The following EIF4G3 variants were observed in gnomAD, a reference collection of about 807,000 sequenced individuals.
The protein encoded by EIF4G3 is eukaryotic translation initiation factor 4 gamma 3, also known as eIF-4-gamma 3.
A neutral mutation model predicts 186.4 loss-of-function variants in EIF4G3; 34 were observed. That is an observed-to-expected ratio of 0.18 (90% CI 0.14 to 0.24). The LOEUF is 0.24. Among genes scored for constraint, EIF4G3 ranks in the 10% least tolerant of loss-of-function variants. The pLI is 1.00. For missense variants in EIF4G3, 1,536 were observed against 1,948.5 expected (o/e 0.79, Z 3.99); for synonymous variants, 673 against 679.5 (o/e 0.99, Z 0.15).
intron 2 of EIF4G3, among the ~76,000 whole-genome samples, chr1:21,099,381 G>A (rs2096464691): frequency 6.6e-6 from 1 of 152,118 alleles, no homozygotes; most frequent in African/African-American, 2.4e-5. Context: ...TCTTCAACTG[G>A]CCAATAGACA....
In EIF4G3 at chr1:20,817,283, A is replaced by AT. The variant is rs1309332068; in HGVS notation, c.4515+108_4515+109insA. On this transcript the variant is annotated intron_variant, in intron 34 of 36. Coordinates refer to ENST00000602326, the MANE Select transcript of EIF4G3 (RefSeq NM_001391906.1). The stretch of plus-strand genomic sequence containing the variant: ...AAATAAAAAAATAAATAAATAAAAA[A>AT]AAATAAAAATAAAAATTCATGAAGT... 3,317 of 381,362 alleles carry AT rather than the reference A, an allele frequency of 8.7e-3. 126 individuals are homozygous for AT. The highest frequency in any genetic ancestry group is 0.087 in the African/African-American group (2,953 of 33,986). The allele number at this position is 381,362 out of a possible 1,614,324, so 23.6% of individuals were successfully genotyped here.
intron 2 of EIF4G3, among the ~76,000 whole-genome samples, chr1:21,105,473 A>G (rs930849582): frequency 2.6e-5 from 4 of 152,158 alleles, no homozygotes; most frequent in Admixed American, 2.0e-4. Context: ...AACCCCCACC[A>G]TGACATGCAA....
At chr1:20,938,676 A>C (rs971893233) in intron 14 of EIF4G3, among the ~76,000 whole-genome samples, 1 of 152,262 alleles carries the variant, frequency 6.6e-6, no homozygotes, top group African/African-American at 2.4e-5. Flanking sequence ...TATAGTCATT[A>C]AGCATATGAC....
chr1:20,987,428 GA>G (rs1242010621), intron 7 of EIF4G3, among the ~76,000 whole-genome samples: 1 of 152,184 alleles, frequency 6.6e-6, no homozygotes, highest in Non-Finnish European at 1.5e-5. Context: ...TTTACAAATT[GA>G]AAGTTTGTGA....
chr1:21,019,229 G>C (rs1241342913), intron 4 of EIF4G3, among the ~76,000 whole-genome samples: 1 of 152,170 alleles, frequency 6.6e-6, no homozygotes, highest in African/African-American at 2.4e-5. Flanking sequence ...TATTACTCTA[G>C]CACAAAAGCT....
intron 2 of EIF4G3, among the ~76,000 whole-genome samples, chr1:21,159,557 C>T (rs774772482): frequency 4.0e-5 from 6 of 150,256 alleles, no homozygotes; most frequent in Non-Finnish European, 8.9e-5. Context: ...GCCAACATGG[C>T]GAAACCTCGT....
chr1:21,119,448 G>A (rs2096888241), intron 2 of EIF4G3, among the ~76,000 whole-genome samples: 1 of 151,998 alleles, frequency 6.6e-6, no homozygotes, highest in African/African-American at 2.4e-5. Context: ...AATTTTCCCG[G>A]GTCATGATTT....
intron 2 of EIF4G3, among the ~76,000 whole-genome samples, chr1:21,131,030 A>C (rs905656560): frequency 1.8e-4 from 27 of 152,062 alleles, no homozygotes; most frequent in African/African-American, 6.3e-4. Context: ...ACCTGAGATC[A>C]GGAGTTCAAG....
At chr1:21,151,913 C>T (rs2097557830) in intron 2 of EIF4G3, among the ~76,000 whole-genome samples, 1 of 152,132 alleles carries the variant, frequency 6.6e-6, no homozygotes. Flanking sequence ...CCCTGTCTCA[C>T]TCTAGATACT....
At position 20,924,601 on chromosome 1, in the gene EIF4G3, G is replaced by A. The variant is rs143241547; in HGVS notation, c.1663+16890C>T. On this transcript the variant is annotated intron_variant, in intron 14 of 36. Transcript: ENST00000602326. ...TTTGAGATGGAGTCTCACTCTGGTCGCCCAGGCTGGAGTGCATGCAGTGGC... is the reference window on the plus strand; with the variant it reads ...TTTGAGATGGAGTCTCACTCTGGTCACCCAGGCTGGAGTGCATGCAGTGGC... 3.4e-3 allele frequency among the ~76,000 whole-genome samples: 523 copies of A among 152,214 alleles called. 5 individuals carry two copies. Among genetic ancestry groups the A allele is most frequent in the African/African-American group, 0.012 (498 of 41,522 alleles).
At chr1:21,061,741 GTT>G (rs1043319207) in intron 3 of EIF4G3, among the ~76,000 whole-genome samples, 2 of 129,036 alleles carry the variant, frequency 1.5e-5, no homozygotes, top group African/African-American at 5.7e-5. Context: ...TTCTCTGCTT[GTT>G]TTTTTTTTTT....
intron 20 of EIF4G3, among the ~76,000 whole-genome samples, chr1:20,866,249 T>C (rs1236658242): frequency 6.6e-6 from 1 of 152,186 alleles, no homozygotes; most frequent in African/African-American, 2.4e-5. Flanking sequence ...TGGTCAGCTG[T>C]TGATCAAGGC....
chr1:20,860,446 T>C lies in EIF4G3; in HGVS notation c.3183A>G (p.Ile1061Met). The C allele has an allele frequency of 6.2e-7, 1 of 1,614,144 alleles. No individual in the cohort carries two copies. Among genetic ancestry groups the C allele is most frequent in the Non-Finnish European group, 8.5e-7 (1 of 1,180,010 alleles). ...TIEQIHKEAK[I>M]EEQEEQRKVQ... The stretch of plus-strand genomic sequence containing the variant: ...CCTTCCTTTGCTCTTCTTGTTCTTC[T>C]ATTTTAGCCTCTTTGTGAATCTGTT... The change falls in exon 24 of 37, where the codon ATA becomes ATG. Residue 1061 changes from isoleucine to methionine, a missense_variant. Coordinates refer to ENST00000602326, the MANE Select transcript of EIF4G3 (RefSeq NM_001391906.1).
Position 20,952,948 on chromosome 1 carries a change from T to C in EIF4G3, c.715-2837A>G, listed in dbSNP as rs16824879. Reference sequence around the variant, plus strand: ...AAATAATGATGAACTATTTTACTAATCAATAAGTCAGAAAAATCAGGAAAC... The same window carrying C: ...AAATAATGATGAACTATTTTACTAACCAATAAGTCAGAAAAATCAGGAAAC... On this transcript the variant is annotated intron_variant, in intron 12 of 36. Coordinates refer to ENST00000602326, the MANE Select transcript of EIF4G3 (RefSeq NM_001391906.1). 5.2e-3 allele frequency among the ~76,000 whole-genome samples: 786 copies of C among 152,274 alleles called. 7 individuals are homozygous for C. The highest frequency in any genetic ancestry group is 0.018 in the African/African-American group (755 of 41,550).
chr1:21,176,157 G>A lies in EIF4G3; in HGVS notation c.-272+18C>T, dbSNP rs938854399. ...GACGACGAGAACCGAAGGGCCGACA[G>A]GAAGGTGAAAAGGATACTGTTGGGG... On this transcript the variant is annotated intron_variant, in intron 2 of 36. Transcript: ENST00000602326. 5.1e-6 allele frequency: 2 copies of A among 392,044 alleles called. No individual in the cohort carries two copies. The highest frequency in any genetic ancestry group is 4.5e-6 in the Non-Finnish European group (1 of 222,318). 24.3% of individuals were successfully genotyped at this position (392,044 alleles called of 1,614,324 possible).
At chr1:20,980,302 C>A in intron 10 of EIF4G3, 32 bp downstream of exon 10, 1 of 1,456,752 alleles carries the variant, frequency 6.9e-7, no homozygotes, top group Non-Finnish European at 9.2e-7. Context: ...ACACAAAAAA[C>A]TAGCAGAAAT....
At chr1:20,918,481 T>G (rs906028411) in intron 14 of EIF4G3, among the ~76,000 whole-genome samples, 4 of 152,002 alleles carry the variant, frequency 2.6e-5, no homozygotes, top group African/African-American at 7.3e-5. Flanking sequence ...GTGCTGGAAT[T>G]ACAGGCATGA....
Position 20,950,093 on chromosome 1 carries a change from G to T in EIF4G3, c.733C>A (p.Pro245Thr), listed in dbSNP as rs2096138996. Residue 245 changes from proline to threonine, a missense_variant, in exon 13 of 37, where the codon CCC (proline) becomes ACC (threonine). This residue lies in a region of EIF4G3 where 560 missense variants were observed against 547.8 expected (regional missense o/e 1.02). Coordinates refer to ENST00000602326, the MANE Select transcript of EIF4G3 (RefSeq NM_001391906.1). Reference sequence around the variant, plus strand: ...CCATAAACCACAGGGCTGTGCTCGGGGACCTGGCTGGGCAGCTGCTGGGAT... The same window carrying T: ...CCATAAACCACAGGGCTGTGCTCGGTGACCTGGCTGGGCAGCTGCTGGGAT... ...TPPQQLPSQV[P>T]EHSPVVYGTV... The T allele has an allele frequency of 6.3e-7, 1 of 1,592,408 alleles. No individual in the cohort carries two copies. Among genetic ancestry groups the T allele is most frequent in the South Asian group, 1.1e-5 (1 of 87,796 alleles).
intron 12 of EIF4G3, among the ~76,000 whole-genome samples, chr1:20,968,923 T>C (rs1226612181): frequency 2.6e-5 from 4 of 152,148 alleles, no homozygotes; most frequent in Non-Finnish European, 4.4e-5. Context: ...ACAAATCCCC[T>C]GTAGATACCA....
Sources: allele counts gnomAD v4.1 joint callset (sites outside exome capture counted in the v4.1 genomes callset), GRCh38; gene constraint gnomAD v4.1.1; regional missense constraint gnomAD v4.1.1; transcripts MANE v1.5; gene names NCBI Gene and HGNC (gene_info 2026-07-23, HGNC 2026-07-21).